DRC8: variants seen among roughly 807,000 people sequenced by gnomAD.
The protein encoded by DRC8 is dynein regulatory complex protein 8.
chr1:245,049,802 G>T, the DRC8 span, among the ~76,000 whole-genome samples: 1 of 152,196 alleles, frequency 6.6e-6, no homozygotes, highest in South Asian at 2.1e-4. This position sits in a 1 kb window ranked among gnomAD's most constrained non-coding sequence, Gnocchi z 4.5. Flanking sequence ...AGAGGCAGCA[G>T]TCGCAGTGGC....
chr1:245,053,035 C>T, the DRC8 span, among the ~76,000 whole-genome samples: 1 of 152,160 alleles, frequency 6.6e-6, no homozygotes, highest in Admixed American at 6.5e-5. Flanking sequence ...CTGATTAAAT[C>T]TTGTGCCCCT....
the DRC8 span, among the ~76,000 whole-genome samples, chr1:245,042,248 A>G: frequency 6.6e-6 from 1 of 152,190 alleles, no homozygotes; most frequent in Non-Finnish European, 1.5e-5. Flanking sequence ...AGTATTTTGT[A>G]GAGCTTTTGT....
the DRC8 span, among the ~76,000 whole-genome samples, chr1:245,118,805 G>GAAAAGAAAAGAA: frequency 2.7e-5 from 2 of 73,982 alleles, no homozygotes; most frequent in Admixed American, 1.2e-4. Flanking sequence ...AAAAAGAAAA[G>GAAAAGAAAAGAA]AAAAGAAAAG....
At chr1:245,034,547 G>A in the DRC8 span, among the ~76,000 whole-genome samples, 6 of 129,442 alleles carry the variant, frequency 4.6e-5, no homozygotes, top group African/African-American at 1.8e-4. Context: ...GTTGCAGTGA[G>A]CCATCATTGT....
chr1:244,987,714 A>T, the DRC8 span, among the ~76,000 whole-genome samples: 1 of 151,054 alleles, frequency 6.6e-6, no homozygotes, highest in Non-Finnish European at 1.5e-5. Flanking sequence ...CAATAACATT[A>T]TCTGTACTTT....
At chr1:245,078,087 C>T in the DRC8 span, among the ~76,000 whole-genome samples, 13 of 152,028 alleles carry the variant, frequency 8.6e-5, no homozygotes, top group East Asian at 2.3e-3. Context: ...TACAAATGTC[C>T]AACAGGTATA....
chr1:245,020,498 C>T, the DRC8 span, among the ~76,000 whole-genome samples: 191 of 152,168 alleles, frequency 1.3e-3, no homozygotes, highest in African/African-American at 4.4e-3. Flanking sequence ...TCAGAGTGCC[C>T]CCAAGACCCT....
chr1:245,084,145 G>A, the DRC8 span, among the ~76,000 whole-genome samples: 9 of 145,604 alleles, frequency 6.2e-5, no homozygotes, highest in East Asian at 1.0e-3. Flanking sequence ...GCAGTGGCGC[G>A]ATCTTAGCTC....
the DRC8 span, among the ~76,000 whole-genome samples, chr1:244,979,292 C>CTTTTT: frequency 2.5e-3 from 129 of 51,390 alleles, 7 homozygotes; most frequent in Middle Eastern, 0.018. Context: ...CGAAGCTTAT[C>CTTTTT]TTTTTTTTTT....
the DRC8 span, among the ~76,000 whole-genome samples, chr1:245,118,394 C>T: frequency 6.6e-6 from 1 of 152,170 alleles, no homozygotes; most frequent in South Asian, 2.1e-4. Context: ...AAGTTTGCCC[C>T]TGCAGCTTTC....
chr1:245,078,474 C>T, the DRC8 span, among the ~76,000 whole-genome samples: 17 of 109,138 alleles, frequency 1.6e-4, no homozygotes, highest in African/African-American at 4.9e-4. Flanking sequence ...CACACACACA[C>T]GTATGTAATG....
the DRC8 span, among the ~76,000 whole-genome samples, chr1:245,041,244 C>T: frequency 2.7e-3 from 410 of 151,766 alleles, 2 homozygotes; most frequent in African/African-American, 9.4e-3. Flanking sequence ...CCTGTGAGGT[C>T]GCTAGAGAGT....
chr1:245,042,023 A>G, the DRC8 span, among the ~76,000 whole-genome samples: 3 of 152,310 alleles, frequency 2.0e-5, no homozygotes, highest in African/African-American at 7.2e-5. Context: ...TATGACAATC[A>G]TGGGTATGGT....
chr1:245,099,394 G>C, the DRC8 span, among the ~76,000 whole-genome samples: 1 of 152,176 alleles, frequency 6.6e-6, no homozygotes, highest in Non-Finnish European at 1.5e-5. Flanking sequence ...CCAGACCCTA[G>C]GACAAGGGAA....
chr1:244,971,801 A>C, the DRC8 span, among the ~76,000 whole-genome samples: 47 of 152,296 alleles, frequency 3.1e-4, no homozygotes, highest in Middle Eastern at 3.4e-3. Flanking sequence ...CGATCTCTCT[A>C]TTGATAACAA....
chr1:245,077,548 TAGAA>T, the DRC8 span, among the ~76,000 whole-genome samples: 38 of 152,274 alleles, frequency 2.5e-4, no homozygotes, highest in Non-Finnish European at 4.0e-4. Context: ...TGGAACAGAA[TAGAA>T]AGCCTATAAA....
At chr1:245,045,555 C>T in the DRC8 span, among the ~76,000 whole-genome samples, 7 of 152,168 alleles carry the variant, frequency 4.6e-5, no homozygotes, top group East Asian at 1.3e-3. Context: ...ACTTCACGTC[C>T]ATCTCATGTA....
At chr1:245,037,144 C>G in the DRC8 span, among the ~76,000 whole-genome samples, 6 of 152,186 alleles carry the variant, frequency 3.9e-5, no homozygotes, top group Non-Finnish European at 5.9e-5. Flanking sequence ...GCTACTTCAT[C>G]TCTTTCAGAG....
the DRC8 span, among the ~76,000 whole-genome samples, chr1:245,028,587 G>A: frequency 6.6e-6 from 1 of 152,174 alleles, no homozygotes; most frequent in Admixed American, 6.5e-5. Flanking sequence ...CACTCTGACC[G>A]AGACTGGAAG....
Sources: gnomAD v4.1 joint callset for allele counts (sites outside exome capture counted in the v4.1 genomes callset) on GRCh38, gnomAD v4.1.1 for gene constraint, Gnocchi (gnomAD v3.1) non-coding constraint, MANE v1.5 for transcripts, NCBI Gene and HGNC (gene_info 2026-07-23, HGNC 2026-07-21) for gene names.